TIMM23: variants seen among roughly 807,000 people sequenced by gnomAD.
TIMM23 encodes translocase of inner mitochondrial membrane 23, also known as mitochondrial import inner membrane translocase subunit Tim23.
A neutral mutation model predicts 30.7 loss-of-function variants in TIMM23; 19 were observed. That is an observed-to-expected ratio of 0.62 (90% confidence interval 0.43 to 0.91). TIMM23 has a LOEUF of 0.91. Among genes scored for constraint, TIMM23 ranks in the 40% least tolerant of loss-of-function variants. The pLI, the probability that TIMM23 is intolerant of heterozygous loss-of-function variation, is 0.00. For missense variants in TIMM23, 202 were observed against 269.2 expected, an observed-to-expected ratio of 0.75 and a Z score of 1.75; for synonymous variants, 78 against 98.5, an observed-to-expected ratio of 0.79 and a Z score of 1.23.
chr10:45,973,216 A>G (rs1554912252), intron 1 of TIMM23, among the ~76,000 whole-genome samples: 1 of 152,218 alleles, frequency 6.6e-6, no homozygotes, highest in African/African-American at 2.4e-5. Context: ...AACCTTCTTT[A>G]GGAGCTAGGA....
At chr10:45,995,109 C>A (rs1365857210) in intron 6 of TIMM23, among the ~76,000 whole-genome samples, 1 of 151,510 alleles carries the variant, frequency 6.6e-6, no homozygotes, top group African/African-American at 2.4e-5. Flanking sequence ...AAATTGAAAT[C>A]TATTTGTCCT....
At chr10:45,988,049 G>A (rs1838048012) in intron 5 of TIMM23, among the ~76,000 whole-genome samples, 1 of 152,146 alleles carries the variant, frequency 6.6e-6, no homozygotes, top group African/African-American at 2.4e-5. Context: ...CTGACACGTG[G>A]GTGAGTTCTT....
chr10:45,995,331 A>G (rs1554916531), intron 6 of TIMM23, among the ~76,000 whole-genome samples: 2 of 151,842 alleles, frequency 1.3e-5, no homozygotes, highest in South Asian at 4.1e-4. Context: ...TATGCCTTAA[A>G]TTAGATGCCA....
chr10:45,991,024 A>G (rs1439632759), intron 6 of TIMM23, among the ~76,000 whole-genome samples: 1 of 152,220 alleles, frequency 6.6e-6, no homozygotes, highest in Non-Finnish European at 1.5e-5. Flanking sequence ...GGTCTAGTGC[A>G]TCAAACTCTA....
At chr10:45,989,736 A>G (rs1478280740) in intron 6 of TIMM23, among the ~76,000 whole-genome samples, 5 of 152,232 alleles carry the variant, frequency 3.3e-5, no homozygotes, top group African/African-American at 4.8e-5. Flanking sequence ...CTGTAAGTCA[A>G]TTTAGAGCAT....
intron 6 of TIMM23, among the ~76,000 whole-genome samples, chr10:45,998,751 A>C (rs1156772778): frequency 1.3e-5 from 2 of 151,652 alleles, no homozygotes; most frequent in African/African-American, 4.8e-5. Flanking sequence ...ATTTGAACTA[A>C]GTTTTTGATT....
At chr10:45,977,308 C>T (rs1214859995) in intron 2 of TIMM23, among the ~76,000 whole-genome samples, 2 of 150,862 alleles carry the variant, frequency 1.3e-5, no homozygotes, top group African/African-American at 2.4e-5. Context: ...GATTGGAGGA[C>T]TTGAACTTGC....
At chr10:45,980,816 C>T (rs10909666) in intron 2 of TIMM23, among the ~76,000 whole-genome samples, 2 of 151,206 alleles carry the variant, frequency 1.3e-5, no homozygotes, top group Non-Finnish European at 2.9e-5. Flanking sequence ...AATTGATGGA[C>T]GTTTGCTTGC....
chr10:45,985,946 G>T (rs1236558381), intron 5 of TIMM23, among the ~76,000 whole-genome samples: 1 of 152,208 alleles, frequency 6.6e-6, no homozygotes, highest in Non-Finnish European at 1.5e-5. Context: ...TAGGCAAAAG[G>T]TAACTTAGTA....
In TIMM23 at chr10:45,975,332, T is replaced by A. The variant is rs1433138784; in HGVS notation, c.107-122T>A. On this transcript the variant is annotated intron_variant, in intron 1 of 6. Transcript: ENST00000580018. ...ATAGGGAGGATAAAATGGGAAAAAA[T>A]TTTCCGCCTTCAGTGAGCCTATAAA... The A allele has an allele frequency of 6.6e-6, 9 of 1,361,484 alleles. No individual in the cohort carries two copies. The East Asian group carries it at 1.2e-4, about 18-fold the overall frequency. 84.3% of individuals were successfully genotyped at this position (1,361,484 alleles called of 1,614,324 possible).
intron 6 of TIMM23, among the ~76,000 whole-genome samples, chr10:46,001,558 G>C (rs1232394550): frequency 6.6e-6 from 1 of 152,130 alleles, no homozygotes; most frequent in Admixed American, 6.6e-5. Context: ...GAAATGGTTA[G>C]TTCTGAAATG....
intron 2 of TIMM23, among the ~76,000 whole-genome samples, chr10:45,980,045 C>A (rs1428356169): frequency 1.3e-5 from 2 of 151,258 alleles, no homozygotes; most frequent in African/African-American, 4.9e-5. Context: ...TCATCATGAA[C>A]ATTTAATCTT....
At chr10:45,978,448 T>C (rs1376986585) in intron 2 of TIMM23, among the ~76,000 whole-genome samples, 4 of 152,242 alleles carry the variant, frequency 2.6e-5, no homozygotes, top group Admixed American at 2.6e-4. Flanking sequence ...TTAATTTTTT[T>C]AACTCTTGAA....
rs1279192193 is a variant in TIMM23, at chr10:45,984,742, A to G, written c.345-641A>G. On this transcript the variant is annotated intron_variant, in intron 4 of 6. Transcript: ENST00000580018. ...GTGTCTGGCACTGGTGCAAGGCAGA[A>G]CTGTGCTTCCTTGAGAGTGTGCTGA... 1.1e-5 allele frequency: 4 copies of G among 376,682 alleles called. 1 individual carries two copies. In the East Asian group the frequency reaches 3.1e-4, roughly 29 times the overall value. The allele number at this position is 376,682 out of a possible 1,614,324, so 23.3% of individuals were successfully genotyped here. A position where few individuals can be genotyped will look rare whatever the true frequency, so the allele number is the denominator to read the frequency against.
chr10:46,002,544 G>T (rs1838576627), intron 6 of TIMM23: 2 of 969,314 alleles, frequency 2.1e-6, no homozygotes, highest in East Asian at 1.1e-4. Context: ...TCCAAATAGG[G>T]TGTCACCTTG....
intron 6 of TIMM23, among the ~76,000 whole-genome samples, chr10:46,000,121 A>G (rs1284805546): frequency 6.6e-6 from 1 of 152,172 alleles, no homozygotes; most frequent in Non-Finnish European, 1.5e-5. Context: ...GGTTAACGCA[A>G]TTATCACATG....
intron 3 of TIMM23, 93 bp downstream of exon 3, chr10:45,982,709 T>G: frequency 1.3e-6 from 2 of 1,559,850 alleles, no homozygotes; most frequent in Non-Finnish European, 1.7e-6. Flanking sequence ...GTTTCAGGGT[T>G]TTTTTTTTAA....
chr10:45,994,503 G>T (rs1838268840), intron 6 of TIMM23, among the ~76,000 whole-genome samples: 1 of 116,982 alleles, frequency 8.5e-6, no homozygotes, highest in Admixed American at 9.7e-5. Context: ...ACAGTGGTGT[G>T]ATCATGGCTC....
chr10:45,973,457 C>A (rs2132235882), intron 1 of TIMM23, among the ~76,000 whole-genome samples: 1 of 152,164 alleles, frequency 6.6e-6, no homozygotes, highest in East Asian at 1.9e-4. Flanking sequence ...GTGGATAAAG[C>A]CTTTACGAAA....
Sources: allele counts gnomAD v4.1 joint callset (sites outside exome capture counted in the v4.1 genomes callset), GRCh38; gene constraint gnomAD v4.1.1; transcripts MANE v1.5; gene names NCBI Gene and HGNC (gene_info 2026-07-23, HGNC 2026-07-21).